NELL1: variants seen among roughly 807,000 people sequenced by gnomAD.
NELL1 encodes the protein protein kinase C-binding protein NELL1.
In NELL1, 76 loss-of-function variants were observed where a neutral mutation model predicts 107.4. The ratio of observed to expected loss-of-function variants is 0.71; its 90% CI spans 0.59 to 0.86. The LOEUF (loss-of-function observed/expected upper bound fraction) is 0.86, where lower values mean the gene tolerates loss of function less well. Ranked by LOEUF, NELL1 falls within the 40% of genes least tolerant of loss-of-function variation. The pLI, the probability that NELL1 is intolerant of heterozygous loss-of-function variation, is 0.00. For missense variants in NELL1, 1,024 were observed against 1,005.5 expected (o/e 1.02, Z -0.25); for synonymous variants, 353 against 341.2 (o/e 1.03, Z -0.38).
intron 16 of NELL1, among the ~76,000 whole-genome samples, chr11:21,545,449 C>T (rs142136725): frequency 5.3e-5 from 8 of 151,846 alleles, no homozygotes; most frequent in Admixed American, 3.9e-4. Flanking sequence ...TATTGGAGAG[C>T]TGGAACTTGA....
intron 15 of NELL1, among the ~76,000 whole-genome samples, chr11:21,388,285 T>C (rs2133778705): frequency 6.6e-6 from 1 of 151,914 alleles, no homozygotes; most frequent in Non-Finnish European, 1.5e-5. Context: ...TTTTTGCCAC[T>C]CACCATGTGA....
At chr11:20,947,515 A>G in intron 11 of NELL1, 80 bp downstream of exon 11, 1 of 1,017,406 alleles carries the variant, frequency 9.8e-7, no homozygotes. Context: ...AATGAATAGT[A>G]TGATAATAAC....
chr11:21,530,263 G>A (rs998488106), intron 15 of NELL1, among the ~76,000 whole-genome samples: 1 of 152,080 alleles, frequency 6.6e-6, no homozygotes, highest in East Asian at 1.9e-4. Flanking sequence ...TATGAAATAC[G>A]AAAGTACCTC....
chr11:21,197,176 C>T (rs56885578), intron 13 of NELL1, among the ~76,000 whole-genome samples: 9,473 of 151,582 alleles, frequency 0.062, 592 homozygotes, highest in East Asian at 0.34. Flanking sequence ...CTCACCCAAC[C>T]GGTCTTATTT....
chr11:21,367,788 A>G (rs1449427398), intron 14 of NELL1, among the ~76,000 whole-genome samples: 1 of 152,074 alleles, frequency 6.6e-6, no homozygotes, highest in Admixed American at 6.6e-5. Flanking sequence ...TAGTTCATAC[A>G]GTTAATAAAT....
intron 15 of NELL1, among the ~76,000 whole-genome samples, chr11:21,377,541 A>G (rs1431285347): frequency 6.6e-6 from 1 of 152,010 alleles, no homozygotes; most frequent in Non-Finnish European, 1.5e-5. Context: ...TTTTGCTATT[A>G]GGGTGATGCT....
intron 15 of NELL1, among the ~76,000 whole-genome samples, chr11:21,461,345 T>C (rs1853895762): frequency 6.6e-6 from 1 of 152,108 alleles, no homozygotes; most frequent in South Asian, 2.1e-4. Context: ...CAACCTATTT[T>C]ATAAGAAAGG....
chr11:21,493,879 T>C (rs1363026697), intron 15 of NELL1, among the ~76,000 whole-genome samples: 1 of 152,032 alleles, frequency 6.6e-6, no homozygotes, highest in South Asian at 2.1e-4. Flanking sequence ...ATATGTAAAA[T>C]ATTTTGTATC....
intron 14 of NELL1, among the ~76,000 whole-genome samples, chr11:21,298,763 C>T (rs1412592909): frequency 1.3e-5 from 2 of 151,842 alleles, no homozygotes; most frequent in African/African-American, 4.8e-5. Context: ...ATTTGCATGC[C>T]CCTCAGGTTC....
chr11:20,830,853 C>T (rs1315029157), intron 3 of NELL1, among the ~76,000 whole-genome samples: 4 of 152,138 alleles, frequency 2.6e-5, no homozygotes, highest in Non-Finnish European at 5.9e-5. Flanking sequence ...GAAAGGCACC[C>T]ATTCATTTAT....
rs1203938783 is a variant in NELL1, at chr11:21,025,368, AC to A, written c.1300+64809del. On this transcript the variant is annotated intron_variant, in intron 12 of 19. Transcript: ENST00000357134. The stretch of plus-strand genomic sequence containing the variant: ...AAAGCAGGGACAGCAAGGTTAAGTA[AC>A]TTCCCAGGGTCTCAGAGCTGGTAAG... 4.6e-5 allele frequency among the ~76,000 whole-genome samples: 7 copies of A among 151,854 alleles called. No individual in the cohort carries two copies. The East Asian group carries it at 5.8e-4, about 13-fold the overall frequency.
At chr11:21,519,843 G>A (rs1855673528) in intron 15 of NELL1, among the ~76,000 whole-genome samples, 1 of 152,130 alleles carries the variant, frequency 6.6e-6, no homozygotes, top group African/African-American at 2.4e-5. Context: ...TGTAATTATA[G>A]TCCAGGTTGG....
In NELL1 at chr11:20,927,358, G is replaced by C. The variant is rs35857355; in HGVS notation, c.810G>C (p.Glu270Asp). Residue 270 changes from glutamate (E) to aspartate (D), a missense_variant, in exon 8 of 20, where the codon GAG becomes GAC. Glu to Asp is a conservative substitution (Grantham distance 45). Transcript: ENST00000357134. ...RLSQLENCHC[E>D]KTCQVSGLLY... ...GTCAATTGGAAAACTGTCATTGTGA[G>C]AAGACTTGTCAAGTGAGTGGACTGC... The C allele has an allele frequency of 1.6e-4, 257 of 1,613,162 alleles. 2 individuals are homozygous for C. Among genetic ancestry groups the C allele is most frequent in the Non-Finnish European group, 2.1e-5 (25 of 1,179,680 alleles).
Position 21,564,296 on chromosome 11 carries a change from T to G in NELL1, c.1980+3914T>G, listed in dbSNP as rs910961219. On this transcript the variant is annotated intron_variant, in intron 17 of 19. Coordinates refer to ENST00000357134, the MANE Select transcript of NELL1 (RefSeq NM_006157.5). ...AGAAGTAACATCTAATGGGAGAAAA[T>G]GCAGAAGTGAAAAATGGGTCCTGAT... Among the ~76,000 whole-genome samples the G allele has an allele frequency of 2.0e-5, 3 of 151,946 alleles. No individual in the cohort carries two copies. The East Asian group carries it at 5.9e-4, about 30-fold the overall frequency.
chr11:21,029,276 A>G (rs1300342802), intron 12 of NELL1, among the ~76,000 whole-genome samples: 2 of 152,180 alleles, frequency 1.3e-5, no homozygotes, highest in African/African-American at 2.4e-5. Flanking sequence ...ACAAGCTTAA[A>G]TTTCCTATCA....
intron 3 of NELL1, among the ~76,000 whole-genome samples, chr11:20,843,778 AT>A (rs1488975052): frequency 2.0e-5 from 3 of 151,740 alleles, no homozygotes; most frequent in Non-Finnish European, 4.4e-5. Context: ...ATCTACCTAT[AT>A]TTTTAGAATT....
chr11:21,365,188 T>C (rs1363298876), intron 14 of NELL1, among the ~76,000 whole-genome samples: 1 of 152,214 alleles, frequency 6.6e-6, no homozygotes, highest in Non-Finnish European at 1.5e-5. Flanking sequence ...TATATGCCTT[T>C]CTCTCTGCTA....
intron 14 of NELL1, among the ~76,000 whole-genome samples, chr11:21,293,146 C>T (rs1469870185): frequency 6.6e-6 from 1 of 152,064 alleles, no homozygotes; most frequent in Non-Finnish European, 1.5e-5. Flanking sequence ...AGGCAACCTA[C>T]AGAATGGGAG....
chr11:20,959,266 T>G (rs1293290347), intron 11 of NELL1, among the ~76,000 whole-genome samples: 1 of 152,178 alleles, frequency 6.6e-6, no homozygotes, highest in Admixed American at 6.5e-5. Flanking sequence ...TGGAGATTCC[T>G]GAAAGAACTA....
Sources: allele counts gnomAD v4.1 joint callset (sites outside exome capture counted in the v4.1 genomes callset), GRCh38; gene constraint gnomAD v4.1.1; transcripts MANE v1.5; gene names NCBI Gene and HGNC (gene_info 2026-07-23, HGNC 2026-07-21).